The following ZDHHC13 variants were observed in gnomAD, a reference collection of about 807,000 sequenced individuals.
ZDHHC13 encodes zDHHC palmitoyltransferase 13.
A neutral mutation model predicts 86.0 loss-of-function variants in ZDHHC13; 85 were observed. The ratio of observed to expected loss-of-function variants is 0.99; its 90% CI spans 0.83 to 1.18. ZDHHC13 has a LOEUF of 1.18. ZDHHC13 is among the 50% of genes most tolerant of loss of function. ZDHHC13 has a pLI of 0.00. For synonymous variants in ZDHHC13, 263 were observed against 246.4 expected, an observed-to-expected ratio of 1.07 and a Z score of -0.63; for missense variants, 711 against 730.2, an observed-to-expected ratio of 0.97 and a Z score of 0.30.
chr11:19,119,090 C>T (rs531169502), intron 1 of ZDHHC13, among the ~76,000 whole-genome samples: 1 of 152,284 alleles, frequency 6.6e-6, no homozygotes, highest in Admixed American at 6.5e-5. Context: ...ACAATCAGGT[C>T]TGCAGTTTCC....
Position 19,152,221 on chromosome 11 carries a change from C to A in ZDHHC13, c.648C>A (p.His216Gln), listed in dbSNP as rs1299705250. ...NPSLNVVDKI[H>Q]QNTPLHWAVA... is the part of the protein sequence containing the mutation. Reference sequence around the variant, plus strand: ...CTCTCAATGTGGTTGATAAAATACACCAAAACACTCCACTTCACTGGGCAG... The same window carrying A: ...CTCTCAATGTGGTTGATAAAATACAACAAAACACTCCACTTCACTGGGCAG... Residue 216 changes from histidine to glutamine, a missense_variant, in exon 7 of 17, where the codon CAC becomes CAA. Physicochemically the swap from His to Gln is conservative, Grantham distance 24. Transcript: ENST00000446113. 1.2e-6 allele frequency: 2 copies of A among 1,613,134 alleles called. No individual in the cohort carries two copies. Among genetic ancestry groups the A allele is most frequent in the Non-Finnish European group, 1.7e-6 (2 of 1,179,400 alleles).
At chr11:19,170,008 A>C in intron 14 of ZDHHC13, 2 of 1,006,528 alleles carry the variant, frequency 2.0e-6, no homozygotes. Flanking sequence ...TGGCCTGTTC[A>C]TCTGAATGCT....
Position 19,149,270 on chromosome 11 carries a change from T to C in ZDHHC13, c.458T>C (p.Ile153Thr), listed in dbSNP as rs771828086. The change falls in exon 5 of 17, where the codon ATC becomes ACC. Residue 153 changes from isoleucine (I) to threonine (T), a missense_variant. Transcript: ENST00000446113. ...ATTGATGGAGAGGGATTCAGCAGCA[T>C]CCACCTGGCAGTATTGTTTCAACAC... ...TLIDGEGFSS[I>T]HLAVLFQHMP... The C allele has an allele frequency of 2.5e-6, 4 of 1,606,524 alleles. No individual in the cohort carries two copies. Among genetic ancestry groups the C allele is most frequent in the Non-Finnish European group, 2.6e-6 (3 of 1,175,780 alleles).
At chr11:19,138,603 A>G (rs1283236969) in intron 1 of ZDHHC13, among the ~76,000 whole-genome samples, 1 of 151,770 alleles carries the variant, frequency 6.6e-6, no homozygotes, top group Non-Finnish European at 1.5e-5. Context: ...GGGCAGAGAC[A>G]CAACCAAAAA....
At chr11:19,142,675 G>A (rs1420842237) in intron 1 of ZDHHC13, among the ~76,000 whole-genome samples, 2 of 151,984 alleles carry the variant, frequency 1.3e-5, no homozygotes, top group Non-Finnish European at 2.9e-5. Flanking sequence ...TTTTGTAATA[G>A]TAAGCATCTT....
chr11:19,122,581 GA>G (rs1488287306), intron 1 of ZDHHC13, among the ~76,000 whole-genome samples: 11 of 151,990 alleles, frequency 7.2e-5, no homozygotes, highest in Non-Finnish European at 1.5e-4. Flanking sequence ...TCTGTTTGTG[GA>G]AGCTTTCTCT....
At chr11:19,146,362 A>G in intron 3 of ZDHHC13, 59 bp downstream of exon 3, 1 of 1,560,848 alleles carries the variant, frequency 6.4e-7, no homozygotes, top group Non-Finnish European at 8.7e-7. Flanking sequence ...TCCTTCATTT[A>G]TCTTTTTCTT....
intron 10 of ZDHHC13, 113 bp downstream of exon 10, chr11:19,159,153 C>T: frequency 1.5e-6 from 1 of 664,472 alleles, no homozygotes; most frequent in African/African-American, 1.8e-5. Flanking sequence ...CTTATATTTG[C>T]ATTCATTTAA....
chr11:19,130,190 G>C (rs1848964774), intron 1 of ZDHHC13, among the ~76,000 whole-genome samples: 1 of 152,024 alleles, frequency 6.6e-6, no homozygotes, highest in South Asian at 2.1e-4. Context: ...AAGTTATAGG[G>C]GTCTGAAATT....
chr11:19,126,392 A>G (rs968883333), intron 1 of ZDHHC13, among the ~76,000 whole-genome samples: 4 of 143,136 alleles, frequency 2.8e-5, no homozygotes, highest in East Asian at 2.0e-4. Context: ...GCTGGAGTGC[A>G]GTGGTGTGAT....
intron 1 of ZDHHC13, among the ~76,000 whole-genome samples, chr11:19,125,345 T>C (rs1443826175): frequency 6.6e-6 from 1 of 152,172 alleles, no homozygotes; most frequent in Non-Finnish European, 1.5e-5. Context: ...CCAGAGAAGA[T>C]ATACAGGTGG....
At chr11:19,137,233 A>C (rs1317861505) in intron 1 of ZDHHC13, among the ~76,000 whole-genome samples, 6 of 152,004 alleles carry the variant, frequency 3.9e-5, no homozygotes, top group African/African-American at 1.2e-4. Context: ...TCTACCAAGC[A>C]AATGGAAAAC....
chr11:19,170,182 T>A, intron 14 of ZDHHC13: 1 of 1,328,058 alleles, frequency 7.5e-7, no homozygotes, highest in South Asian at 2.1e-5. Context: ...ATTCCTTCAC[T>A]GTTAACTACT....
At chr11:19,152,849 C>A (rs1031626356) in intron 8 of ZDHHC13, among the ~76,000 whole-genome samples, 165 bp downstream of exon 8, 5 of 152,086 alleles carry the variant, frequency 3.3e-5, no homozygotes, top group African/African-American at 4.8e-5. Flanking sequence ...GGAAATTTGG[C>A]ACTTTCATTG....
Position 19,140,889 on chromosome 11 carries a change from G to A in ZDHHC13, c.28-2089G>A, listed in dbSNP as rs1031534712. On this transcript the variant is annotated intron_variant, in intron 1 of 16. Transcript: ENST00000446113. ...AATGAGAACACATGGACACAGGAAG[G>A]GGAACATCATACTCTGGGGACTGTT... is the stretch of plus-strand genomic sequence containing the variant. Among the ~76,000 whole-genome samples the A allele has an allele frequency of 5.9e-5, 8 of 135,808 alleles. No homozygotes were observed. In the Admixed American group the frequency reaches 6.2e-4, roughly 11 times the overall value. 89.1% of individuals were successfully genotyped at this position (135,808 alleles called of 152,430 possible).
At chr11:19,158,863 A>C in intron 9 of ZDHHC13, 77 bp from the exon 10 acceptor site, 1 of 946,006 alleles carries the variant, frequency 1.1e-6, no homozygotes, top group South Asian at 1.9e-5. Context: ...TATTACTACC[A>C]TTATTATTTA....
chr11:19,158,552 C>T (rs893220564), intron 9 of ZDHHC13, among the ~76,000 whole-genome samples: 13 of 151,788 alleles, frequency 8.6e-5, no homozygotes, highest in African/African-American at 3.1e-4. Flanking sequence ...AGGTGAATCT[C>T]AAGTATATAA....
At chr11:19,127,996 T>C (rs1272024098) in intron 1 of ZDHHC13, among the ~76,000 whole-genome samples, 2 of 152,216 alleles carry the variant, frequency 1.3e-5, no homozygotes, top group Non-Finnish European at 2.9e-5. Context: ...AGAATGTCTT[T>C]GGTAATTTGA....
At chr11:19,152,763 G>A (rs1849648978) in intron 8 of ZDHHC13, 79 bp downstream of exon 8, 4 of 1,594,382 alleles carry the variant, frequency 2.5e-6, no homozygotes, top group Middle Eastern at 3.3e-4. Context: ...GGCATCAGAG[G>A]AAACCAGAGA....
Sources: allele counts gnomAD v4.1 joint callset (sites outside exome capture counted in the v4.1 genomes callset), GRCh38; gene constraint gnomAD v4.1.1; transcripts MANE v1.5; gene names NCBI Gene and HGNC (gene_info 2026-07-23, HGNC 2026-07-21).